Variants in MAGI1 observed in about 807,000 individuals in gnomAD.
MAGI1 encodes membrane-associated guanylate kinase, WW and PDZ domain-containing protein 1.
In MAGI1, 58 loss-of-function variants were observed where a neutral mutation model predicts 139.9. That is an observed-to-expected ratio of 0.41 (90% CI 0.34 to 0.52). MAGI1 has a LOEUF of 0.52. Among genes scored for constraint, MAGI1 ranks in the 20% least tolerant of loss-of-function variants. The probability of loss-of-function intolerance (pLI) is 0.12; values close to 1 mark genes in which losing one functional copy is unlikely to be tolerated. For missense variants in MAGI1, 1,874 were observed against 1,901.6 expected (o/e 0.99, Z 0.27); for synonymous variants, 812 against 737.9 (o/e 1.10, Z -1.63).
chr3:65,663,840 G>A (rs970372572), intron 1 of MAGI1, among the ~76,000 whole-genome samples: 2 of 152,068 alleles, frequency 1.3e-5, no homozygotes, highest in African/African-American at 4.8e-5. Flanking sequence ...GAGTTGTGAT[G>A]GCCAAAAATG....
At chr3:65,482,467 C>T (rs1350031470) in intron 3 of MAGI1, among the ~76,000 whole-genome samples, 1 of 152,136 alleles carries the variant, frequency 6.6e-6, no homozygotes, top group Non-Finnish European at 1.5e-5. Flanking sequence ...TGTCAATAAC[C>T]AAATAACCAA....
At chr3:65,520,115 C>T (rs1295366318) in intron 2 of MAGI1, among the ~76,000 whole-genome samples, 4 of 152,190 alleles carry the variant, frequency 2.6e-5, no homozygotes, top group Non-Finnish European at 4.4e-5. Flanking sequence ...GGCTAGATCC[C>T]GTTGAACCAC....
At chr3:65,536,940 G>A (rs1248096213) in intron 2 of MAGI1, among the ~76,000 whole-genome samples, 1 of 152,078 alleles carries the variant, frequency 6.6e-6, no homozygotes, top group Non-Finnish European at 1.5e-5. Context: ...CATGCCCGTA[G>A]GTAGTTTATC....
intron 2 of MAGI1, among the ~76,000 whole-genome samples, chr3:65,526,266 A>T (rs1339502418): frequency 6.6e-6 from 1 of 152,062 alleles, no homozygotes; most frequent in Non-Finnish European, 1.5e-5. Flanking sequence ...TGCCAAAATG[A>T]CTGCTCAAAT....
Position 66,013,358 on chromosome 3 carries a change from G to T in MAGI1, c.313+24638C>A, listed in dbSNP as rs527387499. On this transcript the variant is annotated intron_variant, in intron 1 of 22. Transcript: ENST00000402939. ...GCAGAGGTTGCAGTGAGCAAAGATT[G>T]CACCACTGTACTCCAGCCTGGGCAA... is the stretch of plus-strand genomic sequence containing the variant. 8.9e-5 allele frequency among the ~76,000 whole-genome samples: 13 copies of T among 146,628 alleles called. No homozygotes were observed. In the South Asian group the frequency reaches 2.6e-3, roughly 29 times the overall value.
At chr3:65,678,000 G>A (rs187695338) in intron 1 of MAGI1, among the ~76,000 whole-genome samples, 2 of 152,278 alleles carry the variant, frequency 1.3e-5, no homozygotes, top group East Asian at 1.9e-4. Flanking sequence ...CCATACAAAA[G>A]GATGAGTTCA....
chr3:66,016,021 C>A (rs2067619219), intron 1 of MAGI1, among the ~76,000 whole-genome samples: 1 of 152,022 alleles, frequency 6.6e-6, no homozygotes, highest in Non-Finnish European at 1.5e-5. Flanking sequence ...CCAACAAATT[C>A]AGCTCTATAA....
In MAGI1 at chr3:65,628,870, T is replaced by G. The variant is rs374834751; in HGVS notation, c.314-6782A>C. ...GAGCATTCTATTATAGTTTTTAAAT[T>G]GTCTTTTATGTTTTCCTTTCTGTGA... On this transcript the variant is annotated intron_variant, in intron 1 of 22. Coordinates refer to ENST00000402939, the MANE Select transcript of MAGI1 (RefSeq NM_001033057.2). Among the ~76,000 whole-genome samples, 11 of 152,352 alleles carry G rather than the reference T, an allele frequency of 7.2e-5. No homozygotes were observed. In the South Asian group the frequency reaches 8.3e-4, roughly 11 times the overall value.
chr3:65,710,727 T>C (rs115353726), intron 1 of MAGI1, among the ~76,000 whole-genome samples: 2,231 of 152,302 alleles, frequency 0.015, 55 homozygotes, highest in African/African-American at 0.05. Context: ...CAGAGACTAA[T>C]TTGCCCAAGG....
chr3:66,027,070 T>C lies in MAGI1; in HGVS notation c.313+10926A>G, dbSNP rs568259386. On this transcript the variant is annotated intron_variant, in intron 1 of 22. Transcript: ENST00000402939. ...GGATCACAAGGTCAGGAGATCGAGA[T>C]CATCCTGGCTAACACGGTGAAACCC... Among the ~76,000 whole-genome samples the C allele has an allele frequency of 1.4e-3, 213 of 151,330 alleles. 1 individual carries two copies. Among genetic ancestry groups the C allele is most frequent in the Non-Finnish European group, 2.4e-3 (165 of 67,816 alleles).
chr3:65,635,111 C>A (rs527395253), intron 1 of MAGI1, among the ~76,000 whole-genome samples: 30 of 152,140 alleles, frequency 2.0e-4, no homozygotes, highest in African/African-American at 7.0e-4. Context: ...CTGAGACAGG[C>A]TGGAGTACAA....
intron 1 of MAGI1, among the ~76,000 whole-genome samples, chr3:65,820,282 C>A (rs1305220848): frequency 6.6e-6 from 1 of 152,124 alleles, no homozygotes; most frequent in Non-Finnish European, 1.5e-5. Flanking sequence ...AGAGAGGAGA[C>A]CCTGGTGCTT....
At chr3:65,627,590 T>C (rs1425957953) in intron 1 of MAGI1, among the ~76,000 whole-genome samples, 3 of 131,604 alleles carry the variant, frequency 2.3e-5, no homozygotes, top group East Asian at 2.7e-4. Context: ...TCACTGCAAG[T>C]TCCGCCTCCC....
intron 1 of MAGI1, among the ~76,000 whole-genome samples, chr3:65,811,020 G>A (rs925044894): frequency 4.6e-5 from 7 of 152,150 alleles, no homozygotes; most frequent in Admixed American, 4.6e-4. Context: ...TTGAATGAAT[G>A]GTCACACATG....
At chr3:65,442,484 C>T (rs1391658737) in intron 8 of MAGI1, among the ~76,000 whole-genome samples, 1 of 151,858 alleles carries the variant, frequency 6.6e-6, no homozygotes, top group African/African-American at 2.4e-5. Flanking sequence ...TGGCTTTTCT[C>T]ATTCATTCAT....
chr3:65,569,172 T>C (rs772832256), intron 2 of MAGI1, among the ~76,000 whole-genome samples: 4 of 152,120 alleles, frequency 2.6e-5, no homozygotes, highest in Non-Finnish European at 5.9e-5. Flanking sequence ...AATGAAATAA[T>C]CCAGACACAA....
chr3:65,435,970 T>C (rs760087490), intron 10 of MAGI1, among the ~76,000 whole-genome samples: 4 of 152,102 alleles, frequency 2.6e-5, no homozygotes, highest in Non-Finnish European at 4.4e-5. Context: ...ACAGAAGGAA[T>C]TTTATGTTTA....
At chr3:65,632,404 C>A (rs1189287831) in intron 1 of MAGI1, among the ~76,000 whole-genome samples, 3 of 152,090 alleles carry the variant, frequency 2.0e-5, no homozygotes, top group Non-Finnish European at 4.4e-5. Flanking sequence ...ACTGCTTGTT[C>A]TAGTAAGAAA....
Position 65,364,949 on chromosome 3 carries a change from G to C in MAGI1, c.3197-3C>G. The C allele has an allele frequency of 6.2e-7, 1 of 1,612,910 alleles. No homozygotes were observed. Among genetic ancestry groups the C allele is most frequent in the Non-Finnish European group, 8.5e-7 (1 of 1,178,980 alleles). ...CAGCAAGGTGGCATTCGAGGACTCT[G>C]CAAAGAGGGACAGAGCATAAAGAAA... On this transcript the variant is annotated splice_region_variant and splice_polypyrimidine_tract_variant and intron_variant, in intron 18 of 22. Coordinates refer to ENST00000402939, the MANE Select transcript of MAGI1 (RefSeq NM_001033057.2).
Sources: allele counts gnomAD v4.1 joint callset (sites outside exome capture counted in the v4.1 genomes callset), GRCh38; gene constraint gnomAD v4.1.1; transcripts MANE v1.5; gene names NCBI Gene and HGNC (gene_info 2026-07-23, HGNC 2026-07-21).